The following NRXN3 variants were observed in gnomAD, a reference collection of about 807,000 sequenced individuals.
NRXN3 encodes the protein neurexin III.
NRXN3 carries 32 observed loss-of-function variants against 137.6 expected under a neutral mutation model. That is an observed-to-expected ratio of 0.23 (90% confidence interval 0.18 to 0.31). The LOEUF (loss-of-function observed/expected upper bound fraction) is 0.31, where lower values mean the gene tolerates loss of function less well. NRXN3 is among the 10% of genes least tolerant of loss of function. NRXN3 has a pLI of 1.00. For missense variants in NRXN3, 1,574 were observed against 2,062.5 expected, an observed-to-expected ratio of 0.76 and a Z score of 4.59; for synonymous variants, 798 against 784.5, an observed-to-expected ratio of 1.02 and a Z score of -0.29.
At chr14:78,915,782 C>A (rs1348734792) in intron 10 of NRXN3, among the ~76,000 whole-genome samples, 5 of 151,894 alleles carry the variant, frequency 3.3e-5, no homozygotes, top group Admixed American at 3.3e-4. Context: ...AATTATGTGG[C>A]CTTTTCAGTA....
chr14:78,397,216 T>C (rs1338469478), intron 4 of NRXN3, among the ~76,000 whole-genome samples: 1 of 152,230 alleles, frequency 6.6e-6, no homozygotes, highest in Non-Finnish European at 1.5e-5. Context: ...CTTACCACAG[T>C]TGGGGAGTTT....
intron 15 of NRXN3, among the ~76,000 whole-genome samples, chr14:79,057,555 G>A (rs1468569219): frequency 6.6e-6 from 1 of 152,184 alleles, no homozygotes; most frequent in Non-Finnish European, 1.5e-5. Flanking sequence ...TAAGGAAGAT[G>A]ACTAAACTGG....
chr14:79,234,436 T>C (rs2073010728), intron 15 of NRXN3, among the ~76,000 whole-genome samples: 1 of 147,634 alleles, frequency 6.8e-6, no homozygotes, highest in African/African-American at 2.5e-5. Context: ...TAGGCTGGAG[T>C]GTAGTGGCAT....
chr14:79,125,979 T>G (rs1030706687), intron 15 of NRXN3, among the ~76,000 whole-genome samples: 1 of 152,144 alleles, frequency 6.6e-6, no homozygotes, highest in Non-Finnish European at 1.5e-5. Flanking sequence ...AACTATTTTT[T>G]CAGTTATCTT....
At position 79,523,966 on chromosome 14, in the gene NRXN3, C is replaced by T. The variant is rs562878248; in HGVS notation, c.3444+56564C>T. On this transcript the variant is annotated intron_variant, in intron 16 of 20. Coordinates refer to ENST00000335750, the MANE Select transcript of NRXN3 (RefSeq NM_001330195.2). Reference sequence around the variant, plus strand: ...CCTGAAGTTTCAAAGTGTCCAGTTGCTGTAGGAGCTTTTTCTATTCTGATA... The same window carrying T: ...CCTGAAGTTTCAAAGTGTCCAGTTGTTGTAGGAGCTTTTTCTATTCTGATA... Among the ~76,000 whole-genome samples, 471 of 152,234 alleles carry T rather than the reference C, an allele frequency of 3.1e-3. 3 individuals are homozygous for T. Among genetic ancestry groups the T allele is most frequent in the African/African-American group, 0.011 (465 of 41,530 alleles).
rs112263210 is a variant in NRXN3 at position 79,137,701 on chromosome 14, C to G, written c.3262+149560C>G. Among the ~76,000 whole-genome samples the G allele has an allele frequency of 3.4e-3, 510 of 152,232 alleles. 2 individuals carry two copies. Among genetic ancestry groups the G allele is most frequent in the African/African-American group, 8.6e-3 (359 of 41,528 alleles). Reference sequence around the variant, plus strand: ...CATTTCCTGGATAAAGATAGTAAGGCTTAGACCTTTTACCAGGATATCATA... The same window carrying G: ...CATTTCCTGGATAAAGATAGTAAGGGTTAGACCTTTTACCAGGATATCATA... On this transcript the variant is annotated intron_variant, in intron 15 of 20. Transcript: ENST00000335750.
intron 4 of NRXN3, among the ~76,000 whole-genome samples, chr14:78,524,378 C>A (rs1393663366): frequency 6.6e-6 from 1 of 152,202 alleles, no homozygotes; most frequent in Non-Finnish European, 1.5e-5. Flanking sequence ...ATGTGTATGT[C>A]TATTAACACA....
chr14:78,661,295 C>T (rs1002270425), intron 6 of NRXN3, among the ~76,000 whole-genome samples: 6 of 152,088 alleles, frequency 3.9e-5, no homozygotes, highest in South Asian at 2.1e-4. Context: ...GTAGTATTAC[C>T]GATGATTCAG....
intron 16 of NRXN3, among the ~76,000 whole-genome samples, chr14:79,608,221 T>C (rs2098048589): frequency 6.6e-6 from 1 of 152,210 alleles, no homozygotes; most frequent in Non-Finnish European, 1.5e-5. Context: ...GTACAATTGA[T>C]ATAATGATTC....
intron 10 of NRXN3, among the ~76,000 whole-genome samples, chr14:78,854,940 T>A (rs1021472806): frequency 6.6e-6 from 1 of 151,954 alleles, no homozygotes; most frequent in Non-Finnish European, 1.5e-5. Context: ...TTGAGTAAGG[T>A]TATGATAGCT....
At chr14:78,253,113 T>A (rs1297666137) in intron 2 of NRXN3, among the ~76,000 whole-genome samples, 3 of 152,304 alleles carry the variant, frequency 2.0e-5, no homozygotes, top group South Asian at 4.1e-4. Flanking sequence ...TCCCACAGTA[T>A]GTTTGCTCTG....
intron 4 of NRXN3, among the ~76,000 whole-genome samples, chr14:78,380,870 G>A (rs549409053): frequency 6.7e-6 from 1 of 150,316 alleles, no homozygotes; most frequent in East Asian, 2.0e-4. Context: ...TTTTTAAAAC[G>A]AAGAATGCCA....
At chr14:79,820,766 ACT>A (rs1252852443) in intron 20 of NRXN3, among the ~76,000 whole-genome samples, 3 of 152,136 alleles carry the variant, frequency 2.0e-5, no homozygotes, top group Non-Finnish European at 2.9e-5. Context: ...GTTAATGCTT[ACT>A]CTCTTTAACA....
intron 16 of NRXN3, among the ~76,000 whole-genome samples, chr14:79,508,820 G>C (rs554426598): frequency 2.0e-5 from 3 of 152,254 alleles, no homozygotes; most frequent in East Asian, 3.9e-4. Flanking sequence ...TCCAGTGCTG[G>C]CTTGATTACA....
intron 16 of NRXN3, among the ~76,000 whole-genome samples, chr14:79,634,020 AAT>A (rs1491332037): frequency 5.0e-5 from 7 of 140,470 alleles, no homozygotes; most frequent in South Asian, 2.2e-4. Flanking sequence ...TAAAAAAAAA[AAT>A]CTTAGGCTGT....
At chr14:78,987,364 C>T (rs916938522) in intron 14 of NRXN3, among the ~76,000 whole-genome samples, 7 of 152,200 alleles carry the variant, frequency 4.6e-5, no homozygotes, top group African/African-American at 1.2e-4. Context: ...TGTGTCTTCC[C>T]GAGCTCAGTT....
At chr14:78,677,506 G>A (rs2098021314) in intron 6 of NRXN3, among the ~76,000 whole-genome samples, 1 of 152,126 alleles carries the variant, frequency 6.6e-6, no homozygotes, top group Admixed American at 6.6e-5. Flanking sequence ...TATGGATGAG[G>A]AGTTGCTTCT....
chr14:78,430,111 G>A (rs569499670), intron 4 of NRXN3, among the ~76,000 whole-genome samples: 3 of 152,238 alleles, frequency 2.0e-5, no homozygotes, highest in Admixed American at 6.5e-5. Context: ...GGTGTTGCAC[G>A]TCTACAGTCC....
At chr14:79,828,649 GTC>G (rs1568384332) in intron 20 of NRXN3, among the ~76,000 whole-genome samples, 1 of 57,280 alleles carries the variant, frequency 1.7e-5, no homozygotes, top group Non-Finnish European at 3.2e-5. Context: ...AAGTAAAATT[GTC>G]TTTTTTTTTT....
Sources: gnomAD v4.1 joint callset for allele counts (sites outside exome capture counted in the v4.1 genomes callset) on GRCh38, gnomAD v4.1.1 for gene constraint, MANE v1.5 for transcripts, NCBI Gene and HGNC (gene_info 2026-07-23, HGNC 2026-07-21) for gene names.